The following KCND2 variants were observed in gnomAD, a reference collection of about 807,000 sequenced individuals.
The protein encoded by KCND2 is potassium voltage-gated channel subfamily D member 2, also known as A-type voltage-gated potassium channel KCND2.
Under a neutral mutation model 54.4 loss-of-function variants are expected in KCND2, and 16 were observed. That is an observed-to-expected ratio of 0.29 (90% CI 0.20 to 0.45). The LOEUF (loss-of-function observed/expected upper bound fraction) is 0.45, where lower values mean the gene tolerates loss of function less well. Ranked by LOEUF, KCND2 falls within the 20% of genes least tolerant of loss-of-function variation. The probability of loss-of-function intolerance (pLI) is 1.00; values close to 1 mark genes in which losing one functional copy is unlikely to be tolerated. For synonymous variants in KCND2, 317 were observed against 310.7 expected (o/e 1.02, Z -0.21); for missense variants, 486 against 824.2 (o/e 0.59, Z 5.02).
intron 1 of KCND2, among the ~76,000 whole-genome samples, chr7:120,605,405 A>T (rs1330917567): frequency 6.6e-6 from 1 of 152,232 alleles, no homozygotes; most frequent in Non-Finnish European, 1.5e-5. Flanking sequence ...AGTACATTGT[A>T]TTCAGTGATA....
chr7:120,387,321 T>C (rs1206612215), intron 1 of KCND2, among the ~76,000 whole-genome samples: 1 of 152,052 alleles, frequency 6.6e-6, no homozygotes, highest in Admixed American at 6.6e-5. Flanking sequence ...TTTATGTAAC[T>C]TTGTTTTGCC....
rs78135069 is a variant in KCND2, at chr7:120,425,149, T to G, written c.1115+149402T>G. Among the ~76,000 whole-genome samples the G allele has an allele frequency of 5.6e-3, 857 of 152,300 alleles. 5 individuals carry two copies. Among genetic ancestry groups the G allele is most frequent in the African/African-American group, 0.019 (788 of 41,562 alleles). ...CCTCTCCTTATGCTCTTCACTGCTA[T>G]GTTTATATTTATATAACAGGTGCAA... is the stretch of plus-strand genomic sequence containing the variant. On this transcript the variant is annotated intron_variant, in intron 1 of 5. Transcript: ENST00000331113.
intron 1 of KCND2, among the ~76,000 whole-genome samples, chr7:120,720,328 C>T (rs774097835): frequency 6.6e-6 from 1 of 152,080 alleles, no homozygotes; most frequent in Non-Finnish European, 1.5e-5. Flanking sequence ...GGGCTGGAGA[C>T]AAACAGCAAT....
intron 1 of KCND2, among the ~76,000 whole-genome samples, chr7:120,683,031 A>G (rs940420655): frequency 6.6e-6 from 1 of 152,160 alleles, no homozygotes; most frequent in African/African-American, 2.4e-5. Context: ...TGGCTAAAAC[A>G]TCTTTACTTG....
intron 1 of KCND2, among the ~76,000 whole-genome samples, chr7:120,293,313 TC>T (rs1333042314): frequency 2.0e-5 from 3 of 152,054 alleles, no homozygotes; most frequent in African/African-American, 7.2e-5. Flanking sequence ...GAAGTGTTTG[TC>T]CAGATCATTG....
intron 1 of KCND2, among the ~76,000 whole-genome samples, chr7:120,367,267 A>T: frequency 6.6e-6 from 1 of 152,142 alleles, no homozygotes; most frequent in Non-Finnish European, 1.5e-5. Context: ...TGTGGTTTTA[A>T]GAGAAGCAGT....
chr7:120,522,402 G>C (rs1410163723), intron 1 of KCND2, among the ~76,000 whole-genome samples: 1 of 152,146 alleles, frequency 6.6e-6, no homozygotes, highest in Non-Finnish European at 1.5e-5. Flanking sequence ...ATCTCCTCAG[G>C]CTTTTGCTAA....
chr7:120,529,159 C>T (rs1162955902), intron 1 of KCND2, among the ~76,000 whole-genome samples: 1 of 152,170 alleles, frequency 6.6e-6, no homozygotes, highest in Non-Finnish European at 1.5e-5. Flanking sequence ...AAGCCGAGGG[C>T]ATGCTTTCTG....
intron 1 of KCND2, among the ~76,000 whole-genome samples, chr7:120,557,317 G>A (rs978131353): frequency 2.6e-5 from 4 of 151,894 alleles, no homozygotes; most frequent in African/African-American, 4.8e-5. Flanking sequence ...TTGCTATTTT[G>A]AAATTTACAA....
At chr7:120,497,079 C>T (rs560939613) in intron 1 of KCND2, among the ~76,000 whole-genome samples, 1 of 152,264 alleles carries the variant, frequency 6.6e-6, no homozygotes, top group East Asian at 1.9e-4. Context: ...AACATCCTTT[C>T]TCTGATAAGT....
At chr7:120,331,955 C>A (rs980155764) in intron 1 of KCND2, among the ~76,000 whole-genome samples, 1 of 151,992 alleles carries the variant, frequency 6.6e-6, no homozygotes, top group Non-Finnish European at 1.5e-5. Context: ...ATTTTATTCT[C>A]CTGTTCGACT....
intron 1 of KCND2, among the ~76,000 whole-genome samples, chr7:120,424,645 A>G (rs1195167626): frequency 6.6e-6 from 1 of 152,220 alleles, no homozygotes; most frequent in Non-Finnish European, 1.5e-5. Context: ...CCTGATTAAT[A>G]AACAGTGCCT....
chr7:120,361,949 T>A (rs1364586585), intron 1 of KCND2, among the ~76,000 whole-genome samples: 1 of 152,022 alleles, frequency 6.6e-6, no homozygotes, highest in Non-Finnish European at 1.5e-5. Context: ...GTGGATCCAA[T>A]AAACATCAAT....
intron 1 of KCND2, among the ~76,000 whole-genome samples, chr7:120,486,334 A>T (rs1259691665): frequency 6.6e-6 from 1 of 152,016 alleles, no homozygotes; most frequent in Admixed American, 6.6e-5. Flanking sequence ...AAACAATGAA[A>T]CCTGAGCCTT....
intron 1 of KCND2, among the ~76,000 whole-genome samples, chr7:120,661,477 C>A (rs1791865143): frequency 1.3e-5 from 2 of 151,912 alleles, no homozygotes; most frequent in Admixed American, 1.3e-4. Context: ...GGTGAAACCT[C>A]ATCTCTACTA....
intron 1 of KCND2, among the ~76,000 whole-genome samples, chr7:120,670,910 C>T (rs139539772): frequency 0.073 from 10,439 of 143,714 alleles, 519 homozygotes; most frequent in African/African-American, 0.089. Flanking sequence ...AGCCAGGCTC[C>T]GTCTCAAAAA....
intron 1 of KCND2, among the ~76,000 whole-genome samples, chr7:120,557,281 C>G (rs1792177436): frequency 1.3e-5 from 2 of 151,946 alleles, no homozygotes; most frequent in Admixed American, 1.3e-4. Flanking sequence ...TTTCTTTATG[C>G]TACAAACATT....
intron 1 of KCND2, among the ~76,000 whole-genome samples, chr7:120,492,040 G>A (rs1042240416): frequency 2.5e-4 from 38 of 152,160 alleles, no homozygotes; most frequent in African/African-American, 8.9e-4. Context: ...TTTGTGTCTT[G>A]TATAAGCTGA....
At chr7:120,692,683 G>A (rs954408154) in intron 1 of KCND2, among the ~76,000 whole-genome samples, 16 of 152,172 alleles carry the variant, frequency 1.1e-4, no homozygotes, top group African/African-American at 3.6e-4. Flanking sequence ...GTTTGGGACT[G>A]CTGACTCCTG....
Sources: allele counts gnomAD v4.1 joint callset (sites outside exome capture counted in the v4.1 genomes callset), GRCh38; gene constraint gnomAD v4.1.1; transcripts MANE v1.5; gene names NCBI Gene and HGNC (gene_info 2026-07-23, HGNC 2026-07-21).